CDK8: variants seen among roughly 807,000 people sequenced by gnomAD.
The protein encoded by CDK8 is cyclin dependent kinase 8.
Under a neutral mutation model 71.5 loss-of-function variants are expected in CDK8, and 29 were observed. The ratio of observed to expected loss-of-function variants is 0.41; its 90% confidence interval spans 0.30 to 0.55. The LOEUF (loss-of-function observed/expected upper bound fraction) is 0.55, where lower values mean the gene tolerates loss of function less well. Among genes scored for constraint, CDK8 ranks in the 20% least tolerant of loss-of-function variants. The pLI is 0.37. For missense variants in CDK8, 288 were observed against 572.6 expected (o/e 0.50, Z 5.07); for synonymous variants, 161 against 192.1 (o/e 0.84, Z 1.34).
Position 26,297,931 on chromosome 13 carries a change from G to A in CDK8, c.129-39636G>A, listed in dbSNP as rs192254396. Among the ~76,000 whole-genome samples the A allele has an allele frequency of 4.1e-4, 62 of 152,204 alleles. No homozygotes were observed. In the Middle Eastern group the frequency reaches 0.01, roughly 25 times the overall value. ...CAGGGTTATAGGGTGCTGTCCTCTC[G>A]CTATATCCTCACTTGGTGGAAAGAG... On this transcript the variant is annotated intron_variant, in intron 1 of 12. Coordinates refer to ENST00000381527, the MANE Select transcript of CDK8 (RefSeq NM_001260.3).
chr13:26,312,901 T>TC (rs539334396), intron 1 of CDK8, among the ~76,000 whole-genome samples: 92 of 152,380 alleles, frequency 6.0e-4, no homozygotes, highest in Non-Finnish European at 1.1e-3. Flanking sequence ...GCTTCAGATG[T>TC]CACTCATGTA....
Position 26,254,815 on chromosome 13 carries a change from C to T in CDK8, c.128+46C>T, listed in dbSNP as rs1409530690. 3.8e-6 allele frequency: 6 copies of T among 1,597,538 alleles called. No individual in the cohort carries two copies. Among genetic ancestry groups the T allele is most frequent in the South Asian group, 1.1e-5 (1 of 89,166 alleles). On this transcript the variant is annotated intron_variant, in intron 1 of 12. Coordinates refer to ENST00000381527, the MANE Select transcript of CDK8 (RefSeq NM_001260.3). The surrounding 1 kb of genome is among the most constrained non-coding windows in gnomAD (Gnocchi z 6.7). Reference sequence around the variant, plus strand: ...CGGTGTCCGCGCTGGGCGGCGCTCCCGCAGGCCGAGGCAGGTAGCCCGGAG... The same window carrying T: ...CGGTGTCCGCGCTGGGCGGCGCTCCTGCAGGCCGAGGCAGGTAGCCCGGAG...
Position 26,254,238 on chromosome 13 carries a change from G to A in CDK8, c.-404G>A. ...GTGAGAGCGTGAGGCGTGAGTGCGC[G>A]TGTGAGAGGACGAGAGCCCGCCTGG... is the stretch of plus-strand genomic sequence containing the variant. On this transcript the variant is annotated 5_prime_UTR_variant, in exon 1 of 13. In the 5' UTR this introduces an upstream ATG that the reference lacks. Transcript: ENST00000381527. The surrounding 1 kb of genome is among the most constrained non-coding windows in gnomAD (Gnocchi z 6.7). The A allele has an allele frequency of 3.6e-6, 1 of 274,388 alleles. No homozygotes were observed. Among genetic ancestry groups the A allele is most frequent in the Non-Finnish European group, 7.0e-6 (1 of 143,552 alleles). 17.0% of individuals were successfully genotyped at this position (274,388 alleles called of 1,614,324 possible). A position where few individuals can be genotyped will look rare whatever the true frequency, so the allele number is the denominator to read the frequency against.
intron 1 of CDK8, among the ~76,000 whole-genome samples, chr13:26,265,559 G>A (rs1274768498): frequency 6.6e-6 from 1 of 152,190 alleles, no homozygotes; most frequent in Admixed American, 6.5e-5. Context: ...AAGAGGCAGT[G>A]CAGTAATGTG....
intron 1 of CDK8, among the ~76,000 whole-genome samples, chr13:26,271,710 C>T (rs777977218): frequency 2.7e-5 from 4 of 149,830 alleles, no homozygotes; most frequent in Non-Finnish European, 5.9e-5. Flanking sequence ...CTCAGGAGAC[C>T]GAGGCGGTAG....
intron 3 of CDK8, among the ~76,000 whole-genome samples, chr13:26,352,452 G>A (rs1328936451): frequency 6.6e-6 from 1 of 152,066 alleles, no homozygotes; most frequent in Admixed American, 6.6e-5. Context: ...TCCTGACCTC[G>A]TGATCCACCC....
At chr13:26,336,142 CAT>C (rs563301220) in intron 1 of CDK8, among the ~76,000 whole-genome samples, 24 of 151,080 alleles carry the variant, frequency 1.6e-4, no homozygotes, top group Non-Finnish European at 2.1e-4. Context: ...CACACACACA[CAT>C]ACACACATAC....
intron 1 of CDK8, among the ~76,000 whole-genome samples, chr13:26,279,672 G>A (rs190104662): frequency 3.4e-4 from 51 of 151,866 alleles, no homozygotes; most frequent in African/African-American, 1.2e-3. Flanking sequence ...CAAATTCAGT[G>A]GATTAATAAA....
intron 7 of CDK8, 138 bp downstream of exon 7, chr13:26,393,648 A>G: frequency 1.2e-6 from 1 of 853,086 alleles, no homozygotes; most frequent in Non-Finnish European, 1.8e-6. Flanking sequence ...GCATTTATCA[A>G]AGATCCGTAG....
intron 1 of CDK8, among the ~76,000 whole-genome samples, chr13:26,275,796 G>A (rs1336404866): frequency 2.0e-5 from 3 of 152,018 alleles, no homozygotes; most frequent in Admixed American, 6.5e-5. Context: ...AGATATTCAT[G>A]TTATATATAT....
intron 1 of CDK8, among the ~76,000 whole-genome samples, chr13:26,295,638 G>T (rs1236541195): frequency 6.6e-6 from 1 of 152,192 alleles, no homozygotes; most frequent in African/African-American, 2.4e-5. Flanking sequence ...AGACGTTCCT[G>T]AATCCAACTA....
At chr13:26,257,402 C>G (rs1248751331) in intron 1 of CDK8, among the ~76,000 whole-genome samples, 2 of 152,152 alleles carry the variant, frequency 1.3e-5, no homozygotes, top group Non-Finnish European at 2.9e-5. Flanking sequence ...TTCAAAGATT[C>G]ATTTCTTTGA....
rs527811266 is a variant in CDK8, at chr13:26,299,498, G to A, written c.129-38069G>A. 7.2e-4 allele frequency among the ~76,000 whole-genome samples: 110 copies of A among 152,236 alleles called. 1 individual carries two copies. The highest frequency in any genetic ancestry group is 2.5e-3 in the African/African-American group (105 of 41,558). ...TGTAGGCAGTTGTGATGCCACTGTC[G>A]TATATGTGGTTCTTTGTGACAGAAA... On this transcript the variant is annotated intron_variant, in intron 1 of 12. Coordinates refer to ENST00000381527, the MANE Select transcript of CDK8 (RefSeq NM_001260.3).
chr13:26,311,852 G>T (rs1874297597), intron 1 of CDK8, among the ~76,000 whole-genome samples: 2 of 152,190 alleles, frequency 1.3e-5, no homozygotes, highest in African/African-American at 2.4e-5. Flanking sequence ...GGATCAGTCT[G>T]ACCCATTGTC....
chr13:26,290,924 G>A (rs1299123793), intron 1 of CDK8, among the ~76,000 whole-genome samples: 2 of 151,978 alleles, frequency 1.3e-5, no homozygotes, highest in Non-Finnish European at 2.9e-5. Flanking sequence ...AGACCAGCCT[G>A]GCCAACATGG....
rs200275587 is a variant in CDK8, at chr13:26,404,116, A to T, written c.*35A>T. ...GAATCTTGTCCATGCACTGTTGCGA[A>T]TGCTGCAGGGCTGACTGTGCAGCTC... On this transcript the variant is annotated 3_prime_UTR_variant, in exon 13 of 13. Coordinates refer to ENST00000381527, the MANE Select transcript of CDK8 (RefSeq NM_001260.3). 882 of 1,611,594 alleles carry T rather than the reference A, an allele frequency of 5.5e-4. 2 individuals are homozygous for T. The highest frequency in any genetic ancestry group is 4.4e-4 in the Non-Finnish European group (515 of 1,178,674).
intron 8 of CDK8, 72 bp downstream of exon 8, chr13:26,396,426 C>A: frequency 1.9e-6 from 1 of 538,730 alleles, no homozygotes; most frequent in South Asian, 4.1e-5. Context: ...ACTGAATATT[C>A]AACATAATAA....
At chr13:26,389,284 C>T (rs1410050885) in intron 6 of CDK8, among the ~76,000 whole-genome samples, 1 of 152,104 alleles carries the variant, frequency 6.6e-6, no homozygotes, top group Non-Finnish European at 1.5e-5. Context: ...TTCAGCCTCC[C>T]GAGTAGCTGG....
chr13:26,332,845 C>T (rs1299161123), intron 1 of CDK8, among the ~76,000 whole-genome samples: 3 of 152,198 alleles, frequency 2.0e-5, no homozygotes, highest in Admixed American at 6.5e-5. Flanking sequence ...TATCCAGCTT[C>T]ATACCTTGAA....
Sources: allele counts gnomAD v4.1 joint callset (sites outside exome capture counted in the v4.1 genomes callset), GRCh38; gene constraint gnomAD v4.1.1; non-coding constraint Gnocchi (gnomAD v3.1); transcripts MANE v1.5; gene names NCBI Gene and HGNC (gene_info 2026-07-23, HGNC 2026-07-21).